NUDT9: variants seen among roughly 807,000 people sequenced by gnomAD.
The protein encoded by NUDT9 is ADP-ribose pyrophosphatase.
A neutral mutation model predicts 41.0 loss-of-function variants in NUDT9; 31 were observed. The ratio of observed to expected loss-of-function variants is 0.76; its 90% CI spans 0.57 to 1.02. The LOEUF (loss-of-function observed/expected upper bound fraction) is 1.02, where lower values mean the gene tolerates loss of function less well. Ranked by LOEUF, NUDT9 falls within the 50% of genes least tolerant of loss-of-function variation. The probability of loss-of-function intolerance (pLI) is 0.00; values close to 1 mark genes in which losing one functional copy is unlikely to be tolerated. For missense variants in NUDT9, 380 were observed against 431.4 expected (o/e 0.88, Z 1.06); for synonymous variants, 146 against 147.6 (o/e 0.99, Z 0.08).
chr4:87,430,280 C>CT (rs1297508489), intron 1 of NUDT9, among the ~76,000 whole-genome samples: 1 of 152,198 alleles, frequency 6.6e-6, no homozygotes, highest in African/African-American at 2.4e-5. Context: ...GAATGCAGCC[C>CT]TGCTGATAAA....
At position 87,438,137 on chromosome 4, in the gene NUDT9, T is replaced by TG. The variant is rs1553964408; in HGVS notation, c.348-139dup. On this transcript the variant is annotated intron_variant, in intron 2 of 7. Coordinates refer to ENST00000302174, the MANE Select transcript of NUDT9 (RefSeq NM_024047.5). ...GTTTTGAAGGAATAAGATGGATTTG[T>TG]GAAAAAAAAAAAAAAACTAACCCTT... 1,320 of 429,682 alleles carry TG rather than the reference T, an allele frequency of 3.1e-3. 10 individuals are homozygous for TG. The highest frequency in any genetic ancestry group is 0.028 in the African/African-American group (1,192 of 42,418). 26.6% of individuals were successfully genotyped at this position (429,682 alleles called of 1,614,324 possible). A position where few individuals can be genotyped will look rare whatever the true frequency, so the allele number is the denominator to read the frequency against.
In NUDT9 at chr4:87,422,828, T is replaced by A. The variant is rs1721190417; in HGVS notation, c.-78T>A. 8.9e-7 allele frequency: 1 copy of A among 1,126,396 alleles called. No homozygotes were observed. The allele number at this position is 1,126,396 out of a possible 1,614,324, so 69.8% of individuals were successfully genotyped here. A position where few individuals can be genotyped will look rare whatever the true frequency, so the allele number is the denominator to read the frequency against. ...CCCATCAGATACCCGCGGCCGGGAC[T>A]CGGAGCTGTGGGGTGTGGGGAGGCG... On this transcript the variant is annotated 5_prime_UTR_variant, in exon 1 of 8. Transcript: ENST00000302174.
chr4:87,433,173 C>T (rs1721763341), intron 1 of NUDT9, among the ~76,000 whole-genome samples: 1 of 152,068 alleles, frequency 6.6e-6, no homozygotes, highest in Admixed American at 6.6e-5. Flanking sequence ...AAAAAATTCA[C>T]CTTTTAAAAT....
At chr4:87,433,686 T>G (rs1721784260) in intron 1 of NUDT9, among the ~76,000 whole-genome samples, 1 of 152,216 alleles carries the variant, frequency 6.6e-6, no homozygotes, top group Non-Finnish European at 1.5e-5. Context: ...CATCAAGAAT[T>G]CGTATTTTAA....
In NUDT9 at chr4:87,457,971, C is replaced by T. The variant is rs144359485; in HGVS notation, c.1003C>T (p.Arg335Ter). Residue 335 changes from arginine (R) to a stop codon, truncating the protein, a stop_gained, in exon 8 of 8, where the codon CGA becomes TGA. Transcript: ENST00000302174. LOFTEE classifies it high-confidence loss of function. ...SQFIKLVAEK[R>*]DAHWSEDSEA... ...ATTCATCAAACTTGTGGCTGAGAAACGAGATGCACACTGGAGCGAGGACTC... is the reference window on the plus strand; with the variant it reads ...ATTCATCAAACTTGTGGCTGAGAAATGAGATGCACACTGGAGCGAGGACTC... The T allele has an allele frequency of 6.9e-6, 11 of 1,594,762 alleles. No individual in the cohort carries two copies. In the African/African-American group the frequency reaches 1.1e-4, roughly 16 times the overall value.
At chr4:87,456,951 A>G (rs1723017471) in intron 7 of NUDT9, among the ~76,000 whole-genome samples, 1 of 152,124 alleles carries the variant, frequency 6.6e-6, no homozygotes, top group Non-Finnish European at 1.5e-5. Context: ...AAAATAAAAT[A>G]AAATATTTAA....
chr4:87,424,246 C>T (rs998187513), intron 1 of NUDT9, among the ~76,000 whole-genome samples: 7 of 142,746 alleles, frequency 4.9e-5, no homozygotes, highest in African/African-American at 1.0e-4. Context: ...AGCATTTCTC[C>T]CTAATGCGTT....
chr4:87,435,058 A>C lies in NUDT9; in HGVS notation c.185A>C (p.His62Pro). The C allele has an allele frequency of 1.2e-6, 2 of 1,614,174 alleles. No individual in the cohort carries two copies. Among genetic ancestry groups the C allele is most frequent in the Non-Finnish European group, 1.7e-6 (2 of 1,180,026 alleles). The change falls in exon 2 of 8, where the codon CAC becomes CCC. Residue 62 changes from histidine (H) to proline (P), a missense_variant. Physicochemically the swap from His to Pro is moderately conservative, Grantham distance 77. Coordinates refer to ENST00000302174, the MANE Select transcript of NUDT9 (RefSeq NM_024047.5). ...SGSNGSKENS[H>P]NKARTSPYPG... ...TCTAATGGTTCCAAAGAAAATTCTCACAATAAGGCTCGGACGTCTCCTTAC... is the reference window on the plus strand; with the variant it reads ...TCTAATGGTTCCAAAGAAAATTCTCCCAATAAGGCTCGGACGTCTCCTTAC...
chr4:87,441,960 T>G (rs780564558), intron 4 of NUDT9, 45 bp downstream of exon 4: 1 of 1,415,048 alleles, frequency 7.1e-7, no homozygotes, highest in Non-Finnish European at 9.7e-7. Flanking sequence ...AGCTAAGTGA[T>G]AGAAAAATTG....
intron 4 of NUDT9, among the ~76,000 whole-genome samples, chr4:87,446,012 C>T (rs1330854762): frequency 2.0e-5 from 3 of 151,610 alleles, no homozygotes; most frequent in Non-Finnish European, 4.4e-5. Context: ...AGTCCTCCCA[C>T]CTCGGCTTCC....
intron 6 of NUDT9, among the ~76,000 whole-genome samples, chr4:87,452,083 A>G (rs1722739895): frequency 6.6e-6 from 1 of 151,334 alleles, no homozygotes; most frequent in South Asian, 2.1e-4. Context: ...GCTTACTGCA[A>G]CCTTCACCTC....
At chr4:87,433,122 G>T (rs1721761248) in intron 1 of NUDT9, among the ~76,000 whole-genome samples, 1 of 152,018 alleles carries the variant, frequency 6.6e-6, no homozygotes, top group Non-Finnish European at 1.5e-5. Flanking sequence ...AAAGCCATCT[G>T]GTCCTGGGTT....
intron 1 of NUDT9, among the ~76,000 whole-genome samples, chr4:87,428,552 C>T (rs1721535703): frequency 6.6e-6 from 1 of 151,856 alleles, no homozygotes; most frequent in African/African-American, 2.4e-5. Context: ...TTATTTAGTG[C>T]TAAGAAGAAA....
At chr4:87,447,499 T>G (rs1722511896) in intron 4 of NUDT9, among the ~76,000 whole-genome samples, 1 of 151,858 alleles carries the variant, frequency 6.6e-6, no homozygotes, top group Non-Finnish European at 1.5e-5. Context: ...TTGTTTTGTT[T>G]TGTTTTGCCT....
rs570706759 is a variant in NUDT9 at position 87,441,759 on chromosome 4, T to C, written c.444-70T>C. ...TCTTACTGCTTATGTTCTCTTCTTT[T>C]GGGTTATATCAAATCAGGTTAAAAA... On this transcript the variant is annotated intron_variant, in intron 3 of 7. Coordinates refer to ENST00000302174, the MANE Select transcript of NUDT9 (RefSeq NM_024047.5). 1.2e-5 allele frequency: 14 copies of C among 1,206,298 alleles called. No individual in the cohort carries two copies. In the Admixed American group the frequency reaches 2.1e-4, roughly 18 times the overall value. The allele number at this position is 1,206,298 out of a possible 1,614,324, so 74.7% of individuals were successfully genotyped here.
At chr4:87,449,359 C>A (rs1722610965) in intron 5 of NUDT9, 106 bp downstream of exon 5, 1 of 662,630 alleles carries the variant, frequency 1.5e-6, no homozygotes, top group African/African-American at 1.8e-5. Context: ...CTATTCCTTC[C>A]CACTTCATTT....
intron 4 of NUDT9, among the ~76,000 whole-genome samples, chr4:87,447,954 C>G (rs933850107): frequency 1.3e-5 from 2 of 151,244 alleles, no homozygotes; most frequent in African/African-American, 4.9e-5. Flanking sequence ...ATTGCTTGAG[C>G]CCAGGAGTTT....
intron 7 of NUDT9, among the ~76,000 whole-genome samples, chr4:87,456,217 G>A (rs1278878757): frequency 1.3e-5 from 2 of 152,128 alleles, no homozygotes; most frequent in Non-Finnish European, 2.9e-5. Flanking sequence ...GATAGATATG[G>A]TGGTAAATTC....
chr4:87,424,012 C>T (rs1721279673), intron 1 of NUDT9, among the ~76,000 whole-genome samples: 4 of 152,188 alleles, frequency 2.6e-5, no homozygotes, highest in Admixed American at 1.3e-4. Flanking sequence ...CTGCTGTGTA[C>T]TCTTAACACC....
Sources: allele counts gnomAD v4.1 joint callset (sites outside exome capture counted in the v4.1 genomes callset), GRCh38; gene constraint gnomAD v4.1.1; transcripts MANE v1.5; gene names NCBI Gene and HGNC (gene_info 2026-07-23, HGNC 2026-07-21).